The following C19orf84 variants were observed in gnomAD, a reference collection of about 807,000 sequenced individuals.
C19orf84 encodes the protein piRNA-mediated silencing protein C19orf84.
Under a neutral mutation model 4.0 loss-of-function variants are expected in C19orf84, and 1 was observed. The ratio of observed to expected loss-of-function variants is 0.25; its 90% CI spans 0.09 to 1.19. The LOEUF is 1.19. C19orf84 is among the 50% of genes most tolerant of loss of function. C19orf84 has a pLI of 0.50. For synonymous variants in C19orf84, 123 were observed against 109.6 expected, an observed-to-expected ratio of 1.12 and a Z score of -0.76; for missense variants, 224 against 246.8, an observed-to-expected ratio of 0.91 and a Z score of 0.62.
rs3826660 is a variant in C19orf84 at position 51,388,728 on chromosome 19, T to C, written c.*256A>G. ...ATTGTGGTTGTGGTTGGGGATGGCA[T>C]TGGGAATGGGGTTGAGGCCATCAAG... On this transcript the variant is annotated 3_prime_UTR_variant, in exon 2 of 2. Coordinates refer to ENST00000574814, the MANE Select transcript of C19orf84 (RefSeq NM_001193623.2). 108,471 of 531,990 alleles carry C rather than the reference T, an allele frequency of 0.2. 14,383 individuals carry two copies. The highest frequency in any genetic ancestry group is 0.48 in the African/African-American group (24,714 of 51,736). The allele number at this position is 531,990 out of a possible 1,614,324, so 33.0% of individuals were successfully genotyped here.
chr19:51,390,196 C>T (rs1199591670), intron 1 of C19orf84, among the ~76,000 whole-genome samples: 1 of 152,088 alleles, frequency 6.6e-6, no homozygotes, highest in East Asian at 1.9e-4. Flanking sequence ...AGGCTGGTCT[C>T]GAACTCCCGA....
rs1987236072 is a variant in C19orf84, at chr19:51,389,573, C to T, written c.36-64G>A. 1 of 1,319,202 alleles carries T rather than the reference C, an allele frequency of 7.6e-7. No homozygotes were observed. Among genetic ancestry groups the T allele is most frequent in the Non-Finnish European group, 9.7e-7 (1 of 1,028,058 alleles). The allele number at this position is 1,319,202 out of a possible 1,614,324, so 81.7% of individuals were successfully genotyped here. On this transcript the variant is annotated intron_variant, in intron 1 of 1. Transcript: ENST00000574814. The surrounding 1 kb of genome is among the most constrained non-coding windows in gnomAD (Gnocchi z 4.7). The stretch of plus-strand genomic sequence containing the variant: ...CTCCGTACTTTCTTGTTTCTCGCTG[C>T]CAGGCTGTCTCTGCACCTCTGCAGA...
In C19orf84 at chr19:51,390,558, A is replaced by AAG; in HGVS notation, c.-47_-46insCT. On this transcript the variant is annotated 5_prime_UTR_variant, in exon 1 of 2. Coordinates refer to ENST00000574814, the MANE Select transcript of C19orf84 (RefSeq NM_001193623.2). Reference sequence around the variant, plus strand: ...GTATCTTCTAGCAACTTCGCCTCCGAGATCCTTCGGGGGCCCGGGAAGGTT... The same window carrying AAG: ...GTATCTTCTAGCAACTTCGCCTCCGAAGGATCCTTCGGGGGCCCGGGAAGGTT... 4 of 1,509,984 alleles carry AAG rather than the reference A, an allele frequency of 2.6e-6. No individual in the cohort carries two copies. The South Asian group carries it at 3.7e-5, about 14-fold the overall frequency. The allele number at this position is 1,509,984 out of a possible 1,614,324, so 93.5% of individuals were successfully genotyped here.
In C19orf84 at chr19:51,389,685, G is replaced by C. The variant is rs1342524371; in HGVS notation, c.36-176C>G. ...TGTTTCTAACCCGGGTCTCTCTAAAGAAACAGACAGCTCTGCCATGAACTT... is the reference window on the plus strand; with the variant it reads ...TGTTTCTAACCCGGGTCTCTCTAAACAAACAGACAGCTCTGCCATGAACTT... On this transcript the variant is annotated intron_variant, in intron 1 of 1. Coordinates refer to ENST00000574814, the MANE Select transcript of C19orf84 (RefSeq NM_001193623.2). This position sits in a 1 kb window ranked among gnomAD's most constrained non-coding sequence, Gnocchi z 4.7. Among the ~76,000 whole-genome samples, 1 of 152,284 alleles carries C rather than the reference G, an allele frequency of 6.6e-6. No individual in the cohort carries two copies. The highest frequency in any genetic ancestry group is 1.9e-4 in the East Asian group (1 of 5,190).
intron 1 of C19orf84, 31 bp downstream of exon 1, chr19:51,390,447 C>A (rs1333412136): frequency 1.3e-6 from 2 of 1,528,840 alleles, no homozygotes; most frequent in Admixed American, 2.0e-5. Flanking sequence ...GGGTCTCTGT[C>A]CCCCTCTCAG....
Position 51,389,483 on chromosome 19 carries a change from C to T in C19orf84, c.62G>A (p.Gly21Glu). 1 of 1,431,194 alleles carries T rather than the reference C, an allele frequency of 7.0e-7. No homozygotes were observed. Among genetic ancestry groups the T allele is most frequent in the South Asian group, 1.5e-5 (1 of 66,152 alleles). 88.7% of individuals were successfully genotyped at this position (1,431,194 alleles called of 1,614,324 possible). A position where few individuals can be genotyped will look rare whatever the true frequency, so the allele number is the denominator to read the frequency against. ...AGGCGCAGGGGGCCATGGCTCGGTC[C>T]CAGATGACGGCAGGGACAGGTTGTT... ...EGNNLSLPSS[G>E]TEPWPPAPLP... Residue 21 changes from glycine (G) to glutamate (E), a missense_variant, in exon 2 of 2, where the codon GGG becomes GAG. Coordinates refer to ENST00000574814, the MANE Select transcript of C19orf84 (RefSeq NM_001193623.2). This position sits in a 1 kb window ranked among gnomAD's most constrained non-coding sequence, Gnocchi z 4.7.
rs895635000 is a variant in C19orf84, at chr19:51,389,540, C to T, written c.36-31G>A. On this transcript the variant is annotated intron_variant, in intron 1 of 1. Transcript: ENST00000574814. This position sits in a 1 kb window ranked among gnomAD's most constrained non-coding sequence, Gnocchi z 4.7. The stretch of plus-strand genomic sequence containing the variant: ...ACAACAAAAAGACAGGTCAGTGGGG[C>T]TCAGCGTCTCCGTACTTTCTTGTTT... 8.7e-6 allele frequency: 12 copies of T among 1,383,096 alleles called. No homozygotes were observed. Among genetic ancestry groups the T allele is most frequent in the Non-Finnish European group, 1.0e-5 (11 of 1,072,546 alleles). 85.7% of individuals were successfully genotyped at this position (1,383,096 alleles called of 1,614,324 possible).
chr19:51,388,696 G>A lies in C19orf84; in HGVS notation c.*288C>T. 2.1e-6 allele frequency: 1 copy of A among 482,534 alleles called. No homozygotes were observed. The highest frequency in any genetic ancestry group is 3.7e-6 in the Non-Finnish European group (1 of 269,380). The allele number at this position is 482,534 out of a possible 1,614,324, so 29.9% of individuals were successfully genotyped here. A position where few individuals can be genotyped will look rare whatever the true frequency, so the allele number is the denominator to read the frequency against. ...GAGGAGCCCTGGGGGTTGAGAATGA[G>A]GTAAGGATTGTGGTTGTGGTTGGGG... is the stretch of plus-strand genomic sequence containing the variant. On this transcript the variant is annotated 3_prime_UTR_variant, in exon 2 of 2. Coordinates refer to ENST00000574814, the MANE Select transcript of C19orf84 (RefSeq NM_001193623.2).
rs1568484275 is a variant in C19orf84 at position 51,389,183 on chromosome 19, AGGCCTC to A, written c.356_361del (p.Arg119_Gly120del). The stretch of plus-strand genomic sequence containing the variant: ...AGCTCTCCCAAGGCCCCGTCGATGC[AGGCCTC>A]GGCCCCAGCCTGGCCTGTGCCTGAC... On this transcript the variant is annotated inframe_deletion, in exon 2 of 2. Coordinates refer to ENST00000574814, the MANE Select transcript of C19orf84 (RefSeq NM_001193623.2). This position sits in a 1 kb window ranked among gnomAD's most constrained non-coding sequence, Gnocchi z 4.7. 1 of 1,534,992 alleles carries A rather than the reference AGGCCTC, an allele frequency of 6.5e-7. No individual in the cohort carries two copies. Among genetic ancestry groups the A allele is most frequent in the Non-Finnish European group, 8.7e-7 (1 of 1,146,346 alleles).
Position 51,389,031 on chromosome 19 carries a change from G to T in C19orf84, c.514C>A (p.Pro172Thr), listed in dbSNP as rs775790732. 4.6e-5 allele frequency: 71 copies of T among 1,535,952 alleles called. No homozygotes were observed. The highest frequency in any genetic ancestry group is 1.7e-4 in the Middle Eastern group (1 of 6,012). Residue 172 changes from proline to threonine, a missense_variant, in exon 2 of 2, where the codon CCC becomes ACC. Coordinates refer to ENST00000574814, the MANE Select transcript of C19orf84 (RefSeq NM_001193623.2). The surrounding 1 kb of genome is among the most constrained non-coding windows in gnomAD (Gnocchi z 4.7). ...GKKEARGPEP[P>T]LETPLAAEDW... Reference sequence around the variant, plus strand: ...TCAGCAGCCAGTGGTGTTTCCAGGGGTGGCTCTGGACCTCGAGCTTCTTTC... The same window carrying T: ...TCAGCAGCCAGTGGTGTTTCCAGGGTTGGCTCTGGACCTCGAGCTTCTTTC...
At position 51,388,572 on chromosome 19, in the gene C19orf84, T is replaced by G; in HGVS notation, c.*412A>C. On this transcript the variant is annotated 3_prime_UTR_variant, in exon 2 of 2. Coordinates refer to ENST00000574814, the MANE Select transcript of C19orf84 (RefSeq NM_001193623.2). ...GTGGAGCTGGGACTGGTGACAGGGA[T>G]GGGAATGAATGGGTTTGGGAACAGG... 3 of 198,742 alleles carry G rather than the reference T, an allele frequency of 1.5e-5. No individual in the cohort carries two copies. The highest frequency in any genetic ancestry group is 8.8e-5 in the South Asian group (1 of 11,394). 12.3% of individuals were successfully genotyped at this position (198,742 alleles called of 1,614,324 possible).
Position 51,390,495 on chromosome 19 carries a change from G to C in C19orf84, c.18C>G (p.Asp6Glu), listed in dbSNP as rs1431043653. MEQPK[D>E]GAGPEGNNLS... The stretch of plus-strand genomic sequence containing the variant: ...TGTCTCACCCTTCAGGCCCAGCCCC[G>C]TCCTTTGGTTGTTCCATCTCCACTG... The change falls in exon 1 of 2, where the codon GAC (aspartate) becomes GAG (glutamate). Residue 6 changes from aspartate (D) to glutamate (E), a missense_variant. Transcript: ENST00000574814. 6.5e-7 allele frequency: 1 copy of C among 1,531,464 alleles called. No homozygotes were observed. The highest frequency in any genetic ancestry group is 1.2e-5 in the South Asian group (1 of 83,396). 94.9% of individuals were successfully genotyped at this position (1,531,464 alleles called of 1,614,324 possible). A position where few individuals can be genotyped will look rare whatever the true frequency, so the allele number is the denominator to read the frequency against.
chr19:51,390,316 ATCT>A, intron 1 of C19orf84, 159 bp downstream of exon 1: 1 of 572,942 alleles, frequency 1.7e-6, no homozygotes, highest in Non-Finnish European at 2.7e-6. Flanking sequence ...TCTCACCAAG[ATCT>A]TCTAAGATTC....
At position 51,389,554 on chromosome 19, in the gene C19orf84, A is replaced by C; in HGVS notation, c.36-45T>G. 1 of 1,360,718 alleles carries C rather than the reference A, an allele frequency of 7.3e-7. No individual in the cohort carries two copies. Among genetic ancestry groups the C allele is most frequent in the Non-Finnish European group, 9.4e-7 (1 of 1,059,458 alleles). The allele number at this position is 1,360,718 out of a possible 1,614,324, so 84.3% of individuals were successfully genotyped here. On this transcript the variant is annotated intron_variant, in intron 1 of 1. Transcript: ENST00000574814. This position sits in a 1 kb window ranked among gnomAD's most constrained non-coding sequence, Gnocchi z 4.7. ...GGTCAGTGGGGCTCAGCGTCTCCGT[A>C]CTTTCTTGTTTCTCGCTGCCAGGCT...
Position 51,390,576 on chromosome 19 carries a change from G to A in C19orf84, c.-64C>T. On this transcript the variant is annotated 5_prime_UTR_variant, in exon 1 of 2. Coordinates refer to ENST00000574814, the MANE Select transcript of C19orf84 (RefSeq NM_001193623.2). The stretch of plus-strand genomic sequence containing the variant: ...GCCTCCGAGATCCTTCGGGGGCCCG[G>A]GAAGGTTGGGGAGGGGCCGAGGCCG... 1 of 1,492,166 alleles carries A rather than the reference G, an allele frequency of 6.7e-7. No homozygotes were observed. The highest frequency in any genetic ancestry group is 8.9e-7 in the Non-Finnish European group (1 of 1,120,460). 92.4% of individuals were successfully genotyped at this position (1,492,166 alleles called of 1,614,324 possible). A position where few individuals can be genotyped will look rare whatever the true frequency, so the allele number is the denominator to read the frequency against.
Position 51,388,692 on chromosome 19 carries a change from A to T in C19orf84, c.*292T>A. ...GTTGGAGGAGCCCTGGGGGTTGAGA[A>T]TGAGGTAAGGATTGTGGTTGTGGTT... On this transcript the variant is annotated 3_prime_UTR_variant, in exon 2 of 2. Transcript: ENST00000574814. 2.2e-6 allele frequency: 1 copy of T among 447,594 alleles called. No homozygotes were observed. The highest frequency in any genetic ancestry group is 2.0e-5 in the African/African-American group (1 of 49,338). The allele number at this position is 447,594 out of a possible 1,614,324, so 27.7% of individuals were successfully genotyped here.
In C19orf84 at chr19:51,390,494, C is replaced by A; in HGVS notation, c.19G>T (p.Gly7Trp). The change falls in exon 1 of 2, where the codon GGG becomes TGG. Residue 7 changes from glycine (G) to tryptophan (W), a missense_variant. Transcript: ENST00000574814. MEQPKD[G>W]AGPEGNNLSL... is the part of the protein sequence containing the mutation. ...TTGTCTCACCCTTCAGGCCCAGCCC[C>A]GTCCTTTGGTTGTTCCATCTCCACT... The A allele has an allele frequency of 1.3e-6, 2 of 1,533,778 alleles. No homozygotes were observed. Among genetic ancestry groups the A allele is most frequent in the Non-Finnish European group, 1.7e-6 (2 of 1,145,614 alleles).
chr19:51,389,819 A>G lies in C19orf84; in HGVS notation c.36-310T>C, dbSNP rs1987251606. ...AACCTTAATTTGTTTATAGTCACAG[A>G]TGGCTTTGGATGGTATCAAAGGTGC... On this transcript the variant is annotated intron_variant, in intron 1 of 1. Transcript: ENST00000574814. This position sits in a 1 kb window ranked among gnomAD's most constrained non-coding sequence, Gnocchi z 4.7. Among the ~76,000 whole-genome samples, 1 of 152,180 alleles carries G rather than the reference A, an allele frequency of 6.6e-6. No individual in the cohort carries two copies. Among genetic ancestry groups the G allele is most frequent in the Admixed American group, 6.5e-5 (1 of 15,270 alleles).
rs1243163887 is a variant in C19orf84, at chr19:51,389,190, G to A, written c.355C>T (p.Arg119Ter). 2 of 1,534,712 alleles carry A rather than the reference G, an allele frequency of 1.3e-6. No homozygotes were observed. The highest frequency in any genetic ancestry group is 2.4e-5 in the East Asian group (1 of 40,864). Residue 119 changes from arginine to a stop codon, truncating the protein, a stop_gained, in exon 2 of 2, where the codon CGA becomes TGA. Transcript: ENST00000574814. LOFTEE classifies it low-confidence loss of function (END_TRUNC). This position sits in a 1 kb window ranked among gnomAD's most constrained non-coding sequence, Gnocchi z 4.7. ...WEVRHRPGWG[R>*]GLHRRGLGRA... ...CCAAGGCCCCGTCGATGCAGGCCTCGGCCCCAGCCTGGCCTGTGCCTGACT... is the reference window on the plus strand; with the variant it reads ...CCAAGGCCCCGTCGATGCAGGCCTCAGCCCCAGCCTGGCCTGTGCCTGACT...
Sources: gnomAD v4.1 joint callset for allele counts (sites outside exome capture counted in the v4.1 genomes callset) on GRCh38, gnomAD v4.1.1 for gene constraint, Gnocchi (gnomAD v3.1) non-coding constraint, MANE v1.5 for transcripts, NCBI Gene and HGNC (gene_info 2026-07-23, HGNC 2026-07-21) for gene names.